The following OVCH1 variants were observed in gnomAD, a reference collection of about 807,000 sequenced individuals.
OVCH1 encodes ovochymase-1.
Under a neutral mutation model 138.4 loss-of-function variants are expected in OVCH1, and 139 were observed. That is an observed-to-expected ratio of 1.00 (90% confidence interval 0.87 to 1.16). The LOEUF is 1.16. OVCH1 is among the 50% of genes most tolerant of loss of function. The pLI, the probability that OVCH1 is intolerant of heterozygous loss-of-function variation, is 0.00. For missense variants in OVCH1, 1,367 were observed against 1,357.9 expected, an observed-to-expected ratio of 1.01 and a Z score of -0.11; for synonymous variants, 453 against 467.8, an observed-to-expected ratio of 0.97 and a Z score of 0.41.
chr12:29,432,550 T>TGA (rs1941287956), intron 27 of OVCH1, among the ~76,000 whole-genome samples: 1 of 152,060 alleles, frequency 6.6e-6, no homozygotes, highest in Non-Finnish European at 1.5e-5. Flanking sequence ...TCATGTTAAG[T>TGA]TTGAGATTCT....
intron 20 of OVCH1, 104 bp from the exon 21 acceptor site, chr12:29,455,037 T>A: frequency 8.3e-7 from 1 of 1,211,970 alleles, no homozygotes; most frequent in South Asian, 1.5e-5. Flanking sequence ...AAGAAACAAA[T>A]CCAGGATTAA....
chr12:29,495,361 G>A (rs1274300025), exon 4 of OVCH1: 1 of 1,613,060 alleles, frequency 6.2e-7, no homozygotes, highest in Non-Finnish European at 8.5e-7. Flanking sequence ...ATTCAGGATG[G>A]GTAATAATTT....
chr12:29,480,152 C>T (rs1254536322), intron 8 of OVCH1, among the ~76,000 whole-genome samples: 1 of 152,044 alleles, frequency 6.6e-6, no homozygotes, highest in Admixed American at 6.6e-5. Flanking sequence ...CTATTCAAGT[C>T]CATCATCCTG....
chr12:29,431,184 T>A (rs372221681), intron 27 of OVCH1, among the ~76,000 whole-genome samples: 20 of 152,250 alleles, frequency 1.3e-4, no homozygotes, highest in African/African-American at 4.8e-4. Context: ...CGCCTGTAAT[T>A]CCAGCACTTT....
intron 9 of OVCH1, among the ~76,000 whole-genome samples, chr12:29,478,424 A>T (rs893204468): frequency 1.3e-5 from 2 of 152,178 alleles, no homozygotes; most frequent in Non-Finnish European, 1.5e-5. Flanking sequence ...AAATAATAAA[A>T]AAAACTGCCT....
chr12:29,459,195 C>A (rs1277358836), intron 19 of OVCH1, among the ~76,000 whole-genome samples: 1 of 152,152 alleles, frequency 6.6e-6, no homozygotes, highest in Non-Finnish European at 1.5e-5. Context: ...ATGTCTATTG[C>A]AACACTATTC....
At chr12:29,490,974 T>A in intron 5 of OVCH1, 123 bp downstream of exon 5, 1 of 769,388 alleles carries the variant, frequency 1.3e-6, no homozygotes, top group South Asian at 1.8e-5. Flanking sequence ...GAAATCTTCG[T>A]TGTGTCAGAA....
chr12:29,496,231 A>C (rs1206904458), exon 3 of OVCH1: 3 of 1,609,628 alleles, frequency 1.9e-6, no homozygotes, highest in Non-Finnish European at 2.5e-6. Context: ...GATCTTCTTG[A>C]ATCAAGCTTC....
chr12:29,455,540 A>T (rs35198374), intron 19 of OVCH1, 135 bp from the exon 20 acceptor site: 1 of 1,030,500 alleles, frequency 9.7e-7, no homozygotes, highest in Non-Finnish European at 1.3e-6. Context: ...GTCAATTTCC[A>T]TCTTTACATA....
intron 3 of OVCH1, among the ~76,000 whole-genome samples, chr12:29,416,405 T>C (rs6487823): frequency 0.78 from 118,434 of 152,062 alleles, 46,439 homozygotes; most frequent in Middle Eastern, 0.88. Context: ...CTGCAAACCA[T>C]GTATTTGACA....
At chr12:29,465,049 A>C in intron 17 of OVCH1, 98 bp downstream of exon 17, 1 of 1,007,818 alleles carries the variant, frequency 9.9e-7, no homozygotes. Context: ...GGGCCCTAGG[A>C]GATTAATAAC....
At chr12:29,462,321 T>C (rs1942165690) in intron 18 of OVCH1, among the ~76,000 whole-genome samples, 1 of 151,178 alleles carries the variant, frequency 6.6e-6, no homozygotes, top group African/African-American at 2.5e-5. Flanking sequence ...GGAAGAAAAA[T>C]TCAGCATGAT....
At chr12:29,449,063 T>C (rs554216883) in intron 22 of OVCH1, among the ~76,000 whole-genome samples, 1 of 152,122 alleles carries the variant, frequency 6.6e-6, no homozygotes, top group African/African-American at 2.4e-5. Context: ...AAATTAAAAA[T>C]GAGGGCTGGC....
intron 6 of OVCH1, among the ~76,000 whole-genome samples, chr12:29,488,332 G>T (rs12230972): frequency 0.4 from 61,425 of 151,668 alleles, 12,708 homozygotes; most frequent in East Asian, 0.55. Flanking sequence ...AAAACAGAAA[G>T]CCTGGGCAGG....
intron 27 of OVCH1, among the ~76,000 whole-genome samples, chr12:29,432,253 T>C (rs541623851): frequency 4.6e-5 from 7 of 152,218 alleles, no homozygotes; most frequent in African/African-American, 7.2e-5. Context: ...TCTCAATTAC[T>C]CATTTTAAAA....
chr12:29,490,993 T>C, intron 5 of OVCH1, 104 bp downstream of exon 5: 1 of 898,112 alleles, frequency 1.1e-6, no homozygotes, highest in South Asian at 1.7e-5. Context: ...AAATTAGTTA[T>C]AAAAAATGAT....
At chr12:29,434,729 T>TA (rs1941328357) in intron 26 of OVCH1, among the ~76,000 whole-genome samples, 1 of 152,130 alleles carries the variant, frequency 6.6e-6, no homozygotes. Context: ...AAAAAAACCT[T>TA]ACTATTCATC....
At chr12:29,427,178 G>A (rs1941193608), downstream of OVCH1, among the ~76,000 whole-genome samples, 1 of 152,130 alleles carries the variant, frequency 6.6e-6, no homozygotes, top group Non-Finnish European at 1.5e-5. Flanking sequence ...TCTCTCTCTA[G>A]TCACTCTGAC....
downstream of OVCH1, among the ~76,000 whole-genome samples, chr12:29,422,575 C>G (rs1458836497): frequency 2.0e-5 from 3 of 152,162 alleles, no homozygotes; most frequent in African/African-American, 7.2e-5. Flanking sequence ...TATGTTCATT[C>G]ATTTGCAAGA....
Sources: allele counts gnomAD v4.1 joint callset (sites outside exome capture counted in the v4.1 genomes callset), GRCh38; gene constraint gnomAD v4.1.1; transcripts MANE v1.5; gene names NCBI Gene and HGNC (gene_info 2026-07-23, HGNC 2026-07-21).